The following SPATA18 variants were observed in gnomAD, a reference collection of about 807,000 sequenced individuals.
SPATA18 encodes the protein mitochondria-eating protein.
SPATA18 carries 54 observed loss-of-function variants against 68.1 expected under a neutral mutation model. That is an observed-to-expected ratio of 0.79 (90% CI 0.64 to 0.99). The LOEUF (loss-of-function observed/expected upper bound fraction) is 0.99, where lower values mean the gene tolerates loss of function less well. Among genes scored for constraint, SPATA18 ranks in the 50% least tolerant of loss-of-function variants. The pLI is 0.00. For missense variants in SPATA18, 724 were observed against 681.1 expected (o/e 1.06, Z -0.70); for synonymous variants, 242 against 244.8 (o/e 0.99, Z 0.11).
Position 52,095,904 on chromosome 4 carries a change from G to A in SPATA18, c.*1017G>A, listed in dbSNP as rs1742381111. 6.6e-6 allele frequency: 1 copy of A among 152,092 alleles called. No individual in the cohort carries two copies. The highest frequency in any genetic ancestry group is 1.5e-5 in the Non-Finnish European group (1 of 68,022). The allele number at this position is 152,092 out of a possible 1,614,324, so 9.4% of individuals were successfully genotyped here. A position where few individuals can be genotyped will look rare whatever the true frequency, so the allele number is the denominator to read the frequency against. ...ACGTTCAAGATAAGAATGGAATGTT[G>A]CTTTCTTGCAATAAGTAATGTTCTT... On this transcript the variant is annotated 3_prime_UTR_variant, in exon 13 of 13. Coordinates refer to ENST00000295213, the MANE Select transcript of SPATA18 (RefSeq NM_145263.4).
At chr4:52,057,828 C>T (rs1238965489) in intron 1 of SPATA18, among the ~76,000 whole-genome samples, 2 of 152,098 alleles carry the variant, frequency 1.3e-5, no homozygotes, top group South Asian at 2.1e-4. Context: ...AGGTGCTGGG[C>T]GTGTATTATT....
intron 4 of SPATA18, among the ~76,000 whole-genome samples, chr4:52,066,612 A>C (rs964829445): frequency 6.6e-6 from 1 of 152,168 alleles, no homozygotes. Context: ...TCACCTAGAT[A>C]TTAAGCCCCA....
rs557326231 is a variant in SPATA18, at chr4:52,068,580, G to A, written c.423-1241G>A. ...GGATGGAATTTTCGGTGTCTGGTTA[G>A]GATCTGTGGGATTGACAGGGATGCT... On this transcript the variant is annotated intron_variant, in intron 4 of 12. Transcript: ENST00000295213. 3.9e-5 allele frequency among the ~76,000 whole-genome samples: 6 copies of A among 152,316 alleles called. 1 individual carries two copies. In the South Asian group the frequency reaches 8.3e-4, roughly 21 times the overall value.
At chr4:52,086,216 A>G (rs1456367849) in intron 11 of SPATA18, among the ~76,000 whole-genome samples, 1 of 152,188 alleles carries the variant, frequency 6.6e-6, no homozygotes, top group East Asian at 1.9e-4. Context: ...CAAAACAAAA[A>G]CAAAACCAAA....
In SPATA18 at chr4:52,077,061, T is replaced by C. The variant is rs145464050; in HGVS notation, c.1020+21T>C. On this transcript the variant is annotated intron_variant, in intron 7 of 12. Coordinates refer to ENST00000295213, the MANE Select transcript of SPATA18 (RefSeq NM_145263.4). ...CAGTGGTATGTGACGCCTGCGGGACTCCCGGCTCCTTAGGGCAGCCGGGAG... is the reference window on the plus strand; with the variant it reads ...CAGTGGTATGTGACGCCTGCGGGACCCCCGGCTCCTTAGGGCAGCCGGGAG... The C allele has an allele frequency of 6.8e-3, 10,775 of 1,575,030 alleles. 52 individuals are homozygous for C. Among genetic ancestry groups the C allele is most frequent in the Non-Finnish European group, 8.4e-3 (9,729 of 1,158,882 alleles).
chr4:52,081,876 C>T (rs1361087058), intron 9 of SPATA18, among the ~76,000 whole-genome samples: 1 of 26,216 alleles, frequency 3.8e-5, no homozygotes, highest in African/African-American at 5.4e-5. Context: ...TTCTATATTT[C>T]ATACAACTCA....
chr4:52,092,512 C>T (rs1049424222), intron 11 of SPATA18, among the ~76,000 whole-genome samples: 2 of 152,230 alleles, frequency 1.3e-5, no homozygotes, highest in African/African-American at 4.8e-5. Flanking sequence ...CCCCACCATA[C>T]ATTGGCTTGC....
rs189526493 is a variant in SPATA18, at chr4:52,079,732, T to C, written c.1180-12T>C. The C allele has an allele frequency of 1.9e-6, 3 of 1,613,318 alleles. No individual in the cohort carries two copies. The East Asian group carries it at 6.7e-5, about 36-fold the overall frequency. ...GGCTGGTAACAAAGTGATGCCATCT[T>C]TTGTTTTTCAGGATGTGATCCGAGC... On this transcript the variant is annotated splice_polypyrimidine_tract_variant and intron_variant, in intron 8 of 12. Coordinates refer to ENST00000295213, the MANE Select transcript of SPATA18 (RefSeq NM_145263.4).
chr4:52,081,293 T>A (rs1740898199), intron 9 of SPATA18, among the ~76,000 whole-genome samples: 1 of 152,252 alleles, frequency 6.6e-6, no homozygotes, highest in African/African-American at 2.4e-5. Context: ...CCTGGACATC[T>A]GTGCAGCTGG....
intron 11 of SPATA18, among the ~76,000 whole-genome samples, chr4:52,089,462 C>T (rs2109531471): frequency 6.6e-6 from 1 of 152,310 alleles, no homozygotes; most frequent in East Asian, 1.9e-4. Flanking sequence ...TTAAATGTGT[C>T]CCACAGATTC....
rs548270587 is a variant in SPATA18 at position 52,071,010 on chromosome 4, A to G, written c.519-907A>G. 3.3e-5 allele frequency among the ~76,000 whole-genome samples: 5 copies of G among 152,006 alleles called. No homozygotes were observed. In the East Asian group the frequency reaches 9.7e-4, roughly 29 times the overall value. On this transcript the variant is annotated intron_variant, in intron 5 of 12. Coordinates refer to ENST00000295213, the MANE Select transcript of SPATA18 (RefSeq NM_145263.4). The stretch of plus-strand genomic sequence containing the variant: ...AACTAGGAACACTGTTCTATTTTCT[A>G]CTTCTGTCTTCCCCTTCCTCATCAT...
At position 52,051,756 on chromosome 4, in the gene SPATA18, C is replaced by G. The variant is rs1737892210; in HGVS notation, c.52C>G (p.Gln18Glu). The G allele has an allele frequency of 1.2e-6, 2 of 1,614,214 alleles. No homozygotes were observed. The highest frequency in any genetic ancestry group is 1.3e-5 in the African/African-American group (1 of 75,070). The change falls in exon 1 of 13, where the codon CAG becomes GAG. Residue 18 changes from glutamine to glutamate, a missense_variant. Transcript: ENST00000295213. ...LVSNETLRTLQEKLDFWLKEY... is the reference protein window; with the variant it reads ...LVSNETLRTLEEKLDFWLKEY... The stretch of plus-strand genomic sequence containing the variant: ...CTCAAACGAAACTTTACGAACGTTG[C>G]AGGAAAAGCTAGACTTCTGGCTGAA...
intron 3 of SPATA18, among the ~76,000 whole-genome samples, chr4:52,061,538 T>C (rs1468492556): frequency 7.1e-6 from 1 of 141,734 alleles, no homozygotes; most frequent in Non-Finnish European, 1.6e-5. Flanking sequence ...AGAAAGCATT[T>C]AGTCTGTTCT....
At chr4:52,083,340 C>T (rs1741120079) in intron 10 of SPATA18, 1 of 985,264 alleles carries the variant, frequency 1.0e-6, no homozygotes, top group Non-Finnish European at 1.2e-6. Flanking sequence ...TGGCAGCTTT[C>T]ACACATACAG....
chr4:52,079,693 G>A (rs377300742), intron 8 of SPATA18, 51 bp from the exon 9 acceptor site: 1 of 1,588,184 alleles, frequency 6.3e-7, no homozygotes, highest in Non-Finnish European at 8.6e-7. Context: ...GGATGTCAGA[G>A]TGTTTTTGTC....
intron 1 of SPATA18, among the ~76,000 whole-genome samples, chr4:52,057,550 C>T (rs1339192186): frequency 6.6e-6 from 1 of 152,148 alleles, no homozygotes; most frequent in Non-Finnish European, 1.5e-5. Context: ...AGGCACTGGG[C>T]AAGGCATAGG....
At chr4:52,069,794 A>G (rs910022006) in intron 4 of SPATA18, 27 bp from the exon 5 acceptor site, 6 of 1,510,008 alleles carry the variant, frequency 4.0e-6, no homozygotes, top group Non-Finnish European at 4.5e-6. Flanking sequence ...TGAAAAATCT[A>G]TCTTTAGTTA....
intron 10 of SPATA18, 23 bp downstream of exon 10, chr4:52,082,533 C>T (rs773418218): frequency 3.1e-6 from 5 of 1,613,862 alleles, no homozygotes; most frequent in Non-Finnish European, 3.4e-6. Context: ...TGCATAGTGA[C>T]AATTCATCCC....
chr4:52,088,449 A>G (rs1741631459), intron 11 of SPATA18, among the ~76,000 whole-genome samples: 1 of 152,196 alleles, frequency 6.6e-6, no homozygotes, highest in Non-Finnish European at 1.5e-5. Flanking sequence ...GATATGTTCC[A>G]TTGATACTTA....
Sources: allele counts gnomAD v4.1 joint callset (sites outside exome capture counted in the v4.1 genomes callset), GRCh38; gene constraint gnomAD v4.1.1; transcripts MANE v1.5; gene names NCBI Gene and HGNC (gene_info 2026-07-23, HGNC 2026-07-21).